Variants in NCKAP5 observed in about 807,000 individuals in gnomAD.
NCKAP5 encodes nck-associated protein 5.
Under a neutral mutation model 167.0 loss-of-function variants are expected in NCKAP5, and 92 were observed. The ratio of observed to expected loss-of-function variants is 0.55; its 90% CI spans 0.47 to 0.66. The LOEUF is 0.66. Among genes scored for constraint, NCKAP5 ranks in the 30% least tolerant of loss-of-function variants. NCKAP5 has a pLI of 0.00. For missense variants in NCKAP5, 2,378 were observed against 2,315.0 expected, an observed-to-expected ratio of 1.03 and a Z score of -0.56; for synonymous variants, 891 against 877.4, an observed-to-expected ratio of 1.02 and a Z score of -0.27.
intron 11 of NCKAP5, among the ~76,000 whole-genome samples, chr2:132,810,850 T>C (rs528309054): frequency 9.2e-5 from 14 of 152,156 alleles, no homozygotes; most frequent in Non-Finnish European, 1.9e-4. Context: ...AAGAGCCTTG[T>C]TTTGTCATAT....
chr2:133,513,761 T>G (rs927733757), intron 3 of NCKAP5, among the ~76,000 whole-genome samples: 1 of 152,158 alleles, frequency 6.6e-6, no homozygotes, highest in African/African-American at 2.4e-5. Context: ...TTCTTCCTTT[T>G]GTGGGGGAGA....
At chr2:133,349,640 T>A (rs191184279) in intron 3 of NCKAP5, among the ~76,000 whole-genome samples, 20 of 152,366 alleles carry the variant, frequency 1.3e-4, no homozygotes, top group Admixed American at 1.1e-3. Context: ...AACTCATTTC[T>A]TCCACTTTGA....
At chr2:133,384,856 T>C (rs1480219505) in intron 3 of NCKAP5, among the ~76,000 whole-genome samples, 1 of 152,350 alleles carries the variant, frequency 6.6e-6, no homozygotes, top group African/African-American at 2.4e-5. Flanking sequence ...TTGTCTGTTA[T>C]TGGTGTATAA....
chr2:133,567,758 A>T (rs142586878), intron 1 of NCKAP5, among the ~76,000 whole-genome samples: 1 of 151,810 alleles, frequency 6.6e-6, no homozygotes, highest in Non-Finnish European at 1.5e-5. Flanking sequence ...ACATCCACAC[A>T]CTAGAAATCC....
chr2:132,972,774 A>T (rs2076873195), intron 7 of NCKAP5, among the ~76,000 whole-genome samples: 1 of 152,006 alleles, frequency 6.6e-6, no homozygotes, highest in Non-Finnish European at 1.5e-5. Context: ...GAGGCAGGAG[A>T]ATCACTTGGA....
At position 132,783,727 on chromosome 2, in the gene NCKAP5, G is replaced by A; in HGVS notation, c.3084C>T (p.Ser1028=). 1 of 1,610,648 alleles carries A rather than the reference G, an allele frequency of 6.2e-7. No homozygotes were observed. Among genetic ancestry groups the A allele is most frequent in the Non-Finnish European group, 8.5e-7 (1 of 1,178,384 alleles). Residue 1028 remains serine, a synonymous_variant, in exon 14 of 20, where the codon TCC becomes TCT. Transcript: ENST00000409261. ...GAGGCCCCAGAGCCATTACGGTGAA[G>A]GAGCTGGAGGGGGCATGAGCAGGGC... The part of the protein sequence containing the change: ...TRCPAHAPSS[S]FTVMALGPPK...
At chr2:132,803,768 T>C (rs977338670) in intron 11 of NCKAP5, among the ~76,000 whole-genome samples, 3 of 152,218 alleles carry the variant, frequency 2.0e-5, no homozygotes, top group East Asian at 1.9e-4. Context: ...TTATGCTTTA[T>C]GAAGCATCTA....
At chr2:133,647,427 A>AGGAAG in the NCKAP5 span, among the ~76,000 whole-genome samples, 1 of 93,158 alleles carries the variant, frequency 1.1e-5, no homozygotes, top group East Asian at 3.8e-4. Flanking sequence ...AAGAGAAAGA[A>AGGAAG]AGGAAGAAAG....
chr2:133,145,824 C>T (rs2083173099), intron 5 of NCKAP5, among the ~76,000 whole-genome samples: 1 of 152,020 alleles, frequency 6.6e-6, no homozygotes, highest in African/African-American at 2.4e-5. Context: ...CAGCACATTG[C>T]AGCTTTCCTG....
At chr2:133,533,543 G>A (rs903500851) in intron 2 of NCKAP5, among the ~76,000 whole-genome samples, 7 of 152,006 alleles carry the variant, frequency 4.6e-5, no homozygotes, top group Admixed American at 4.6e-4. Flanking sequence ...TCTCAAATAT[G>A]AACACAAAAA....
chr2:133,299,121 T>A (rs1166600791), intron 4 of NCKAP5, among the ~76,000 whole-genome samples: 2 of 152,148 alleles, frequency 1.3e-5, no homozygotes, highest in Admixed American at 6.5e-5. Flanking sequence ...TTTTGTTGTA[T>A]CCTACCAGCA....
chr2:133,104,839 T>C (rs1004488582), intron 6 of NCKAP5, among the ~76,000 whole-genome samples: 2 of 152,360 alleles, frequency 1.3e-5, no homozygotes, highest in East Asian at 3.9e-4. Flanking sequence ...ATTATTGAAG[T>C]GTGCCTTAAC....
intron 5 of NCKAP5, among the ~76,000 whole-genome samples, chr2:133,136,138 TA>T (rs2082779449): frequency 6.6e-6 from 1 of 152,220 alleles, no homozygotes; most frequent in Admixed American, 6.5e-5. Flanking sequence ...TAAAATACAT[TA>T]TTTTTTATTC....
chr2:133,397,513 C>T (rs1046659793), intron 3 of NCKAP5, among the ~76,000 whole-genome samples: 1 of 152,110 alleles, frequency 6.6e-6, no homozygotes, highest in Non-Finnish European at 1.5e-5. Context: ...TTCTCATTGA[C>T]CTGGTGTCCA....
intron 7 of NCKAP5, among the ~76,000 whole-genome samples, chr2:132,986,055 T>A (rs1171719160): frequency 6.6e-6 from 1 of 152,076 alleles, no homozygotes; most frequent in Non-Finnish European, 1.5e-5. Flanking sequence ...TTTACCACAT[T>A]TTGTTAAGGC....
rs142120678 is a variant in NCKAP5 at position 133,185,148 on chromosome 2, G to A, written c.207+28568C>T. Reference sequence around the variant, plus strand: ...GTGTTAATTTCTGTATAGGATGAGAGCTAGGGGTCCAATTTCATTCTTCTG... The same window carrying A: ...GTGTTAATTTCTGTATAGGATGAGAACTAGGGGTCCAATTTCATTCTTCTG... On this transcript the variant is annotated intron_variant, in intron 5 of 19. Coordinates refer to ENST00000409261, the MANE Select transcript of NCKAP5 (RefSeq NM_207363.3). Among the ~76,000 whole-genome samples, 747 of 152,210 alleles carry A rather than the reference G, an allele frequency of 4.9e-3. 7 individuals carry two copies. The highest frequency in any genetic ancestry group is 0.016 in the African/African-American group (668 of 41,540).
intron 7 of NCKAP5, among the ~76,000 whole-genome samples, chr2:132,966,163 G>T (rs538272277): frequency 6.6e-6 from 1 of 152,066 alleles, no homozygotes; most frequent in Non-Finnish European, 1.5e-5. Context: ...GCAGTGGTGC[G>T]ATCTCAGCTC....
rs139523493 is a variant in NCKAP5, at chr2:133,420,964, C to T, written c.69+96494G>A. Among the ~76,000 whole-genome samples, 652 of 152,242 alleles carry T rather than the reference C, an allele frequency of 4.3e-3. 4 individuals are homozygous for T. Among genetic ancestry groups the T allele is most frequent in the Middle Eastern group, 0.017 (5 of 294 alleles). ...GACTTGCCTCCACTGGTTCTTATTG[C>T]CTCATGTGACTATTTAATGATGAGC... On this transcript the variant is annotated intron_variant, in intron 3 of 19. Coordinates refer to ENST00000409261, the MANE Select transcript of NCKAP5 (RefSeq NM_207363.3).
At chr2:133,536,869 G>C (rs1231024332) in intron 2 of NCKAP5, among the ~76,000 whole-genome samples, 2 of 151,646 alleles carry the variant, frequency 1.3e-5, no homozygotes, top group Non-Finnish European at 2.9e-5. Flanking sequence ...TGTCAGATCT[G>C]AAACTATTGC....
Sources: allele counts gnomAD v4.1 joint callset (sites outside exome capture counted in the v4.1 genomes callset), GRCh38; gene constraint gnomAD v4.1.1; transcripts MANE v1.5; gene names NCBI Gene and HGNC (gene_info 2026-07-23, HGNC 2026-07-21).